IRAK3: variants seen among roughly 807,000 people sequenced by gnomAD.
IRAK3 encodes the protein interleukin-1 receptor-associated kinase 3.
IRAK3 carries 57 observed loss-of-function variants against 56.6 expected under a neutral mutation model. The ratio of observed to expected loss-of-function variants is 1.01; its 90% CI spans 0.81 to 1.26. The LOEUF (loss-of-function observed/expected upper bound fraction) is 1.26. Among genes scored for constraint, IRAK3 ranks in the 50% most tolerant of loss-of-function variants. The probability of loss-of-function intolerance (pLI) is 0.00; values close to 1 mark genes in which losing one functional copy is unlikely to be tolerated. For synonymous variants in IRAK3, 258 were observed against 255.7 expected (o/e 1.01, Z -0.09); for missense variants, 703 against 719.0 (o/e 0.98, Z 0.25).
At chr12:66,216,509 C>G (rs1399908653) in intron 5 of IRAK3, among the ~76,000 whole-genome samples, 1 of 152,152 alleles carries the variant, frequency 6.6e-6, no homozygotes, top group Non-Finnish European at 1.5e-5. Context: ...CTTAATTTAA[C>G]TCTTTTGGTA....
intron 7 of IRAK3, 114 bp from the exon 8 acceptor site, chr12:66,228,138 C>A: frequency 1.2e-6 from 1 of 825,232 alleles, no homozygotes; most frequent in Non-Finnish European, 2.2e-6. Context: ...GTTGATTCAC[C>A]CACCTCACCC....
At chr12:66,207,954 C>T (rs2052573331) in intron 2 of IRAK3, among the ~76,000 whole-genome samples, 1 of 152,084 alleles carries the variant, frequency 6.6e-6, no homozygotes, top group South Asian at 2.1e-4. Context: ...CAGGTCTGTT[C>T]TGGAAAATGT....
Position 66,247,843 on chromosome 12 carries a change from A to G in IRAK3, c.1463A>G (p.Asn488Ser). The G allele has an allele frequency of 6.2e-7, 1 of 1,614,210 alleles. No individual in the cohort carries two copies. The highest frequency in any genetic ancestry group is 1.1e-5 in the South Asian group (1 of 91,088). Residue 488 changes from asparagine to serine, a missense_variant, in exon 12 of 12, where the codon AAT (asparagine) becomes AGT (serine). Coordinates refer to ENST00000261233, the MANE Select transcript of IRAK3 (RefSeq NM_007199.3). ...PVEDDESQNN[N>S]LLPSDEGLRI... ...GAAGATGATGAAAGCCAGAATAACAATTTACTACCTTCTGATGAAGGCCTG... is the reference window on the plus strand; with the variant it reads ...GAAGATGATGAAAGCCAGAATAACAGTTTACTACCTTCTGATGAAGGCCTG...
intron 2 of IRAK3, among the ~76,000 whole-genome samples, chr12:66,204,212 T>C (rs2052536089): frequency 6.6e-6 from 1 of 152,222 alleles, no homozygotes; most frequent in Non-Finnish European, 1.5e-5. Context: ...TCAAAAACTC[T>C]GAAACTCTTT....
At chr12:66,222,353 T>C (rs2052742635) in intron 6 of IRAK3, among the ~76,000 whole-genome samples, 1 of 152,168 alleles carries the variant, frequency 6.6e-6, no homozygotes, top group African/African-American at 2.4e-5. Context: ...TCTCCTTGGT[T>C]GTTATTGGTC....
At chr12:66,202,797 G>T (rs1168761) in intron 1 of IRAK3, among the ~76,000 whole-genome samples, 1 of 149,954 alleles carries the variant, frequency 6.7e-6, no homozygotes, top group African/African-American at 2.5e-5. Context: ...AGAGTGAGAT[G>T]TTGTCTCAAA....
At chr12:66,241,363 A>T (rs1276510380) in intron 8 of IRAK3, among the ~76,000 whole-genome samples, 1 of 152,310 alleles carries the variant, frequency 6.6e-6, no homozygotes, top group African/African-American at 2.4e-5. Context: ...TGGTGGCCAC[A>T]GTTGCTTGCA....
At chr12:66,221,550 G>T (rs915370895) in intron 6 of IRAK3, among the ~76,000 whole-genome samples, 2 of 152,140 alleles carry the variant, frequency 1.3e-5, no homozygotes, top group Non-Finnish European at 2.9e-5. Flanking sequence ...TACCTAATTT[G>T]TTGAGAGTTT....
intron 8 of IRAK3, among the ~76,000 whole-genome samples, chr12:66,237,056 A>G (rs1048256159): frequency 1.3e-5 from 2 of 151,942 alleles, no homozygotes; most frequent in African/African-American, 4.8e-5. Context: ...TTGGGGTCAC[A>G]TAGATCTCAG....
chr12:66,225,072 T>C (rs906642218), intron 6 of IRAK3, among the ~76,000 whole-genome samples: 2 of 152,108 alleles, frequency 1.3e-5, no homozygotes, highest in Non-Finnish European at 2.9e-5. Context: ...TCAGTAATAC[T>C]TAAAAATAAG....
At position 66,245,095 on chromosome 12, in the gene IRAK3, A is replaced by C; in HGVS notation, c.1150-3A>C. ...TGATAAAATTGTCTCCCTCTCTTCC[A>C]AGCGGGATCTCCTTAGAGAATTGAT... On this transcript the variant is annotated splice_region_variant and splice_polypyrimidine_tract_variant and intron_variant, in intron 10 of 11. Coordinates refer to ENST00000261233, the MANE Select transcript of IRAK3 (RefSeq NM_007199.3). 1 of 1,614,080 alleles carries C rather than the reference A, an allele frequency of 6.2e-7. No homozygotes were observed. Among genetic ancestry groups the C allele is most frequent in the Non-Finnish European group, 8.5e-7 (1 of 1,179,952 alleles).
rs2053127086 is a variant in IRAK3 at position 66,253,894 on chromosome 12, A to C, written c.*5723A>C. ...TACTGATGGAATGAGAATACAAACC[A>C]AAAACACTTTATTCAAGTCCAGGAA... On this transcript the variant is annotated 3_prime_UTR_variant, in exon 12 of 12. Transcript: ENST00000261233. The C allele has an allele frequency of 6.6e-6, 1 of 152,234 alleles. No individual in the cohort carries two copies. Among genetic ancestry groups the C allele is most frequent in the Non-Finnish European group, 1.5e-5 (1 of 68,036 alleles). The allele number at this position is 152,234 out of a possible 1,614,324, so 9.4% of individuals were successfully genotyped here.
chr12:66,193,802 T>C (rs1439396995), intron 1 of IRAK3, among the ~76,000 whole-genome samples: 1 of 152,260 alleles, frequency 6.6e-6, no homozygotes, highest in African/African-American at 2.4e-5. Context: ...TCACTGCTTA[T>C]GTTAACCATG....
At chr12:66,206,521 C>CATTG (rs148975844) in intron 2 of IRAK3, among the ~76,000 whole-genome samples, 1 of 152,140 alleles carries the variant, frequency 6.6e-6, no homozygotes, top group Non-Finnish European at 1.5e-5. Context: ...TGGTGTATTA[C>CATTG]ATTGATTGAT....
chr12:66,239,612 A>T (rs75095846), intron 8 of IRAK3, among the ~76,000 whole-genome samples: 3,041 of 152,266 alleles, frequency 0.02, 96 homozygotes, highest in African/African-American at 0.069. Context: ...CCTTTCCCTC[A>T]TAACCCCCTC....
intron 11 of IRAK3, among the ~76,000 whole-genome samples, chr12:66,246,886 C>T (rs938120922): frequency 6.6e-6 from 1 of 152,170 alleles, no homozygotes; most frequent in African/African-American, 2.4e-5. Context: ...TTCTAACATA[C>T]AGATTCCTGG....
chr12:66,224,456 A>G (rs2052766223), intron 6 of IRAK3, among the ~76,000 whole-genome samples: 1 of 152,206 alleles, frequency 6.6e-6, no homozygotes, highest in Admixed American at 6.5e-5. Context: ...TTGGGGGATG[A>G]GCAGCAGAAT....
At chr12:66,245,308 T>C in intron 11 of IRAK3, 46 bp downstream of exon 11, 1 of 1,585,520 alleles carries the variant, frequency 6.3e-7, no homozygotes, top group Non-Finnish European at 8.7e-7. Flanking sequence ...CACAGAACCA[T>C]GGAAAATCTA....
intron 2 of IRAK3, among the ~76,000 whole-genome samples, chr12:66,205,648 A>G (rs1013886637): frequency 2.3e-4 from 35 of 152,324 alleles, no homozygotes; most frequent in African/African-American, 6.0e-4. Context: ...TAGTCCTTCT[A>G]TGCTGCCACC....
Sources: gnomAD v4.1 joint callset for allele counts (sites outside exome capture counted in the v4.1 genomes callset) on GRCh38, gnomAD v4.1.1 for gene constraint, MANE v1.5 for transcripts, NCBI Gene and HGNC (gene_info 2026-07-23, HGNC 2026-07-21) for gene names.